HMGCLL1: variants seen among roughly 807,000 people sequenced by gnomAD.
The protein encoded by HMGCLL1 is 3-hydroxymethyl-3-methylglutaryl-CoA lyase, cytoplasmic.
Under a neutral mutation model 39.1 loss-of-function variants are expected in HMGCLL1, and 36 were observed. The ratio of observed to expected loss-of-function variants is 0.92; its 90% CI spans 0.71 to 1.22. The LOEUF is 1.22. HMGCLL1 is among the 50% of genes most tolerant of loss of function. The probability of loss-of-function intolerance (pLI) is 0.00; values close to 1 mark genes in which losing one functional copy is unlikely to be tolerated. For synonymous variants in HMGCLL1, 149 were observed against 144.0 expected, an observed-to-expected ratio of 1.03 and a Z score of -0.25; for missense variants, 451 against 416.5, an observed-to-expected ratio of 1.08 and a Z score of -0.72.
intron 1 of HMGCLL1, among the ~76,000 whole-genome samples, chr6:55,571,205 A>G (rs1363882584): frequency 6.6e-6 from 1 of 152,196 alleles, no homozygotes; most frequent in Non-Finnish European, 1.5e-5. Flanking sequence ...ACCTCAAGTA[A>G]AAATTACAAG....
In HMGCLL1 at chr6:55,514,051, C is replaced by T. The variant is rs769792498; in HGVS notation, c.539G>A (p.Arg180Gln). The change falls in exon 5 of 9, where the codon CGA becomes CAA. Residue 180 changes from arginine (R) to glutamine (Q), a missense_variant. Coordinates refer to ENST00000274901, the MANE Select transcript of HMGCLL1 (RefSeq NM_001042406.2). ...KSARHMNIPA[R>Q]GYVSCALGCP... ...ATTTGTGGGATTTCATAAGTACCCT[C>T]GTGCTGGAATATTCATGTGTCTTGC... is the stretch of plus-strand genomic sequence containing the variant. The T allele has an allele frequency of 3.8e-5, 61 of 1,610,442 alleles. No individual in the cohort carries two copies. Among genetic ancestry groups the T allele is most frequent in the Non-Finnish European group, 4.9e-5 (58 of 1,178,896 alleles).
intron 5 of HMGCLL1, among the ~76,000 whole-genome samples, chr6:55,507,856 G>A (rs1364670390): frequency 1.3e-5 from 2 of 151,748 alleles, no homozygotes; most frequent in South Asian, 2.1e-4. Flanking sequence ...AAGCATCAAT[G>A]TTAAATTCAA....
intron 7 of HMGCLL1, among the ~76,000 whole-genome samples, chr6:55,465,278 A>G (rs1024517622): frequency 9.2e-5 from 14 of 152,192 alleles, no homozygotes; most frequent in African/African-American, 3.1e-4. Flanking sequence ...CTATAAATAT[A>G]CACATTAATA....
the HMGCLL1 span, among the ~76,000 whole-genome samples, chr6:55,608,670 C>T: frequency 6.6e-6 from 1 of 152,152 alleles, no homozygotes; most frequent in Non-Finnish European, 1.5e-5. Flanking sequence ...TCCAGTCTCA[C>T]CTAAAATAAT....
At chr6:55,448,602 G>T (rs79725312) in intron 7 of HMGCLL1, among the ~76,000 whole-genome samples, 1 of 151,916 alleles carries the variant, frequency 6.6e-6, no homozygotes, top group Non-Finnish European at 1.5e-5. Flanking sequence ...GTCTATCTCA[G>T]GCTCACATGG....
intron 1 of HMGCLL1, among the ~76,000 whole-genome samples, chr6:55,558,482 T>C (rs1770783096): frequency 6.6e-6 from 1 of 152,180 alleles, no homozygotes; most frequent in African/African-American, 2.4e-5. Flanking sequence ...ATTTACTATA[T>C]AAATTTACTC....
intron 1 of HMGCLL1, among the ~76,000 whole-genome samples, chr6:55,566,096 T>C (rs944255327): frequency 1.3e-5 from 2 of 152,150 alleles, no homozygotes; most frequent in Admixed American, 1.3e-4. Flanking sequence ...TCAGTTTCTA[T>C]TTCACAGTGA....
At chr6:55,632,708 T>C in the HMGCLL1 span, among the ~76,000 whole-genome samples, 1 of 152,094 alleles carries the variant, frequency 6.6e-6, no homozygotes, top group Non-Finnish European at 1.5e-5. Flanking sequence ...GCACCTGTTA[T>C]ATCATAATGG....
the HMGCLL1 span, among the ~76,000 whole-genome samples, chr6:55,647,725 C>T: frequency 5.2e-4 from 57 of 110,192 alleles, no homozygotes; most frequent in African/African-American, 1.8e-3. Context: ...TGTAGTTTCT[C>T]TTCATGTCTT....
At chr6:55,439,771 G>A in intron 7 of HMGCLL1, 1 of 422,874 alleles carries the variant, frequency 2.4e-6, no homozygotes, top group East Asian at 3.5e-5. Flanking sequence ...ATTCTGCTAA[G>A]GCTCTCTGGA....
intron 7 of HMGCLL1, among the ~76,000 whole-genome samples, chr6:55,477,310 AT>A (rs1765444903): frequency 7.1e-5 from 1 of 14,160 alleles, no homozygotes; most frequent in Non-Finnish European, 9.7e-5. Flanking sequence ...TATATTATAT[AT>A]ATAATATATA....
At chr6:55,457,495 A>C (rs1211515684) in intron 7 of HMGCLL1, among the ~76,000 whole-genome samples, 1 of 152,214 alleles carries the variant, frequency 6.6e-6, no homozygotes, top group African/African-American at 2.4e-5. Flanking sequence ...TATATTAGCC[A>C]GGATAAGAAG....
the HMGCLL1 span, among the ~76,000 whole-genome samples, chr6:55,622,510 G>A: frequency 3.3e-5 from 5 of 152,004 alleles, no homozygotes; most frequent in Non-Finnish European, 7.4e-5. Context: ...TGCTGTTTTA[G>A]TATCAGTTGA....
chr6:55,533,833 C>A (rs1212668960), intron 3 of HMGCLL1, among the ~76,000 whole-genome samples: 2 of 143,076 alleles, frequency 1.4e-5, no homozygotes, highest in Non-Finnish European at 3.0e-5. Flanking sequence ...TTGCAGTGAG[C>A]CGAGATCGCG....
At chr6:55,508,449 G>A (rs1016613041) in intron 5 of HMGCLL1, among the ~76,000 whole-genome samples, 8 of 151,588 alleles carry the variant, frequency 5.3e-5, no homozygotes, top group Admixed American at 1.3e-4. Context: ...TAAATTTATC[G>A]AATACTTATT....
At chr6:55,539,902 G>C (rs972690856) in intron 3 of HMGCLL1, among the ~76,000 whole-genome samples, 1 of 137,484 alleles carries the variant, frequency 7.3e-6, no homozygotes, top group African/African-American at 2.9e-5. Flanking sequence ...AAGAAAGAAA[G>C]AAAGAAAGAA....
At chr6:55,530,333 A>T (rs922656488) in intron 3 of HMGCLL1, among the ~76,000 whole-genome samples, 3 of 151,976 alleles carry the variant, frequency 2.0e-5, no homozygotes, top group Non-Finnish European at 4.4e-5. Context: ...TGCAATGACA[A>T]ATTTAAATTT....
the HMGCLL1 span, among the ~76,000 whole-genome samples, chr6:55,632,769 C>T: frequency 6.6e-6 from 1 of 151,960 alleles, no homozygotes; most frequent in East Asian, 1.9e-4. Flanking sequence ...GTTACCATGC[C>T]TGGTAAGTAA....
At chr6:55,570,890 A>C (rs1395755252) in intron 1 of HMGCLL1, among the ~76,000 whole-genome samples, 3 of 152,240 alleles carry the variant, frequency 2.0e-5, no homozygotes, top group Non-Finnish European at 4.4e-5. Flanking sequence ...GGGAGGCCTC[A>C]CAATCATGGT....
Sources: allele counts gnomAD v4.1 joint callset (sites outside exome capture counted in the v4.1 genomes callset), GRCh38; gene constraint gnomAD v4.1.1; transcripts MANE v1.5; gene names NCBI Gene and HGNC (gene_info 2026-07-23, HGNC 2026-07-21).